DOCK10: variants seen among roughly 807,000 people sequenced by gnomAD.
DOCK10 encodes dedicator of cytokinesis protein 10.
DOCK10 carries 145 observed loss-of-function variants against 280.1 expected under a neutral mutation model. The ratio of observed to expected loss-of-function variants is 0.52; its 90% CI spans 0.45 to 0.59. The LOEUF is 0.59. DOCK10 is among the 20% of genes least tolerant of loss of function. The pLI, the probability that DOCK10 is intolerant of heterozygous loss-of-function variation, is 0.00. For synonymous variants in DOCK10, 915 were observed against 942.2 expected, an observed-to-expected ratio of 0.97 and a Z score of 0.53; for missense variants, 2,368 against 2,651.7, an observed-to-expected ratio of 0.89 and a Z score of 2.35.
Position 224,793,392 on chromosome 2 carries a change from C to A in DOCK10, c.5212+8G>T. 6.2e-7 allele frequency: 1 copy of A among 1,611,764 alleles called. No homozygotes were observed. The highest frequency in any genetic ancestry group is 1.1e-5 in the South Asian group (1 of 90,628). On this transcript the variant is annotated splice_region_variant and intron_variant, in intron 46 of 55. Coordinates refer to ENST00000258390, the MANE Select transcript of DOCK10 (RefSeq NM_014689.3). ...AGGCTTTTTGCCTCCCTCATGTGGT[C>A]ATCTTACCCTTTCTTTTCAGATACT...
intron 1 of DOCK10, among the ~76,000 whole-genome samples, chr2:225,031,423 T>C (rs1355764439): frequency 6.6e-6 from 1 of 152,212 alleles, no homozygotes; most frequent in Non-Finnish European, 1.5e-5. Flanking sequence ...TATACCTTGG[T>C]ATCAGTTGCT....
rs529409302 is a variant in DOCK10 at position 224,957,527 on chromosome 2, G to T, written c.124-25859C>A. ...TAGTCTAGAACTCCTGGTTTCAAGA[G>T]ATCCTCTCACCTCAGCTTCCTGGTA... On this transcript the variant is annotated intron_variant, in intron 1 of 55. Coordinates refer to ENST00000258390, the MANE Select transcript of DOCK10 (RefSeq NM_014689.3). Among the ~76,000 whole-genome samples the T allele has an allele frequency of 4.5e-4, 68 of 152,216 alleles. 1 individual carries two copies. In the South Asian group the frequency reaches 0.013, roughly 29 times the overall value.
Position 224,804,000 on chromosome 2 carries a change from ATGTGTGTGTGTGTG to A in DOCK10, c.4268+98_4268+111del, listed in dbSNP as rs71062961. 4.3e-5 allele frequency: 20 copies of A among 461,768 alleles called. No homozygotes were observed. The South Asian group carries it at 4.7e-4, about 11-fold the overall frequency. The allele number at this position is 461,768 out of a possible 1,614,324, so 28.6% of individuals were successfully genotyped here. ...TTGGTTTGAATATATAAATAGAAAT[ATGTGTGTGTGTGTG>A]TGTGTGTGTGTGTGTGTGTCTACCC... On this transcript the variant is annotated intron_variant, in intron 39 of 55. Coordinates refer to ENST00000258390, the MANE Select transcript of DOCK10 (RefSeq NM_014689.3).
At position 224,994,572 on chromosome 2, in the gene DOCK10, T is replaced by C. The variant is rs1706215858; in HGVS notation, c.123+47680A>G. On this transcript the variant is annotated intron_variant, in intron 1 of 55. Coordinates refer to ENST00000258390, the MANE Select transcript of DOCK10 (RefSeq NM_014689.3). Reference sequence around the variant, plus strand: ...TGTCACAACAAAGATTGCTTCTTTCTAGCAGCTTCTATCTTAGTATGGTCT... The same window carrying C: ...TGTCACAACAAAGATTGCTTCTTTCCAGCAGCTTCTATCTTAGTATGGTCT... Among the ~76,000 whole-genome samples the C allele has an allele frequency of 4.6e-5, 7 of 152,358 alleles. No individual in the cohort carries two copies. The South Asian group carries it at 1.4e-3, about 32-fold the overall frequency.
intron 11 of DOCK10, among the ~76,000 whole-genome samples, chr2:224,870,791 T>C (rs1235527735): frequency 6.6e-6 from 1 of 150,984 alleles, no homozygotes; most frequent in Admixed American, 6.6e-5. Flanking sequence ...CTTCCAAATT[T>C]GTATTTCCAT....
chr2:225,027,800 T>G (rs1322367052), intron 1 of DOCK10, among the ~76,000 whole-genome samples: 1 of 152,196 alleles, frequency 6.6e-6, no homozygotes, highest in Non-Finnish European at 1.5e-5. Flanking sequence ...CAGGTATTTC[T>G]TTATAGCAGT....
At chr2:224,945,991 G>A (rs983809885) in intron 1 of DOCK10, among the ~76,000 whole-genome samples, 1 of 152,086 alleles carries the variant, frequency 6.6e-6, no homozygotes, top group East Asian at 1.9e-4. Flanking sequence ...ACCCTGCTCC[G>A]AAAAAGGCAA....
intron 16 of DOCK10, among the ~76,000 whole-genome samples, chr2:224,853,779 T>A (rs893047799): frequency 6.6e-6 from 1 of 152,244 alleles, no homozygotes; most frequent in African/African-American, 2.4e-5. Flanking sequence ...GTTGTGGTAC[T>A]GAAAGACCAA....
At chr2:224,841,073 G>T (rs1176373528) in intron 23 of DOCK10, among the ~76,000 whole-genome samples, 1 of 152,140 alleles carries the variant, frequency 6.6e-6, no homozygotes, top group African/African-American at 2.4e-5. Flanking sequence ...ATTCATAGAA[G>T]TAGAGAGTGG....
At chr2:224,817,225 C>A (rs1386773550) in intron 29 of DOCK10, among the ~76,000 whole-genome samples, 3 of 152,172 alleles carry the variant, frequency 2.0e-5, no homozygotes, top group Non-Finnish European at 4.4e-5. Context: ...TTCCTCCCTG[C>A]CCTTGCAAAT....
At chr2:224,900,828 A>T (rs1400201800) in intron 3 of DOCK10, among the ~76,000 whole-genome samples, 2 of 152,236 alleles carry the variant, frequency 1.3e-5, no homozygotes, top group African/African-American at 4.8e-5. Context: ...TCACATTCAC[A>T]ACAGTTAATA....
intron 22 of DOCK10, among the ~76,000 whole-genome samples, chr2:224,844,442 A>G (rs542980540): frequency 6.6e-6 from 1 of 152,224 alleles, no homozygotes; most frequent in South Asian, 2.1e-4. Flanking sequence ...TATTTTTAAC[A>G]TTTAACATTT....
chr2:225,003,655 G>A (rs1353486273), intron 1 of DOCK10, among the ~76,000 whole-genome samples: 1 of 152,134 alleles, frequency 6.6e-6, no homozygotes, highest in Non-Finnish European at 1.5e-5. Flanking sequence ...TCTAATAGTA[G>A]TATTTGTTCA....
intron 2 of DOCK10, among the ~76,000 whole-genome samples, chr2:224,923,248 A>G (rs997872136): frequency 6.6e-6 from 1 of 152,226 alleles, no homozygotes; most frequent in Admixed American, 6.5e-5. Flanking sequence ...TTAAGCATGA[A>G]GACACAGTGT....
chr2:225,034,926 T>C (rs1236205893), intron 1 of DOCK10, among the ~76,000 whole-genome samples: 1 of 152,140 alleles, frequency 6.6e-6, no homozygotes, highest in Non-Finnish European at 1.5e-5. Context: ...ACTCTCACCC[T>C]CCACTTGGTA....
chr2:224,836,922 A>G (rs527410178), intron 25 of DOCK10, among the ~76,000 whole-genome samples: 23 of 151,972 alleles, frequency 1.5e-4, no homozygotes, highest in African/African-American at 5.3e-4. Flanking sequence ...ACAAGTTTCT[A>G]GACATCTTGA....
At position 224,795,065 on chromosome 2, in the gene DOCK10, G is replaced by C. The variant is rs947706971; in HGVS notation, c.4968C>G (p.Asp1656Glu). The part of the protein sequence containing the change: ...KNSNFPAEVK[D>E]LTKRIRTVLM... ...AAACAGTCCTTATACGCTTAGTCAG[G>C]TCCTTCACCTCTGCTGGGAAATTGC... Residue 1656 changes from aspartate to glutamate, a missense_variant, in exon 45 of 56, where the codon GAC becomes GAG. Asp to Glu is a conservative substitution (Grantham distance 45). Coordinates refer to ENST00000258390, the MANE Select transcript of DOCK10 (RefSeq NM_014689.3). 14 of 1,613,784 alleles carry C rather than the reference G, an allele frequency of 8.7e-6. No individual in the cohort carries two copies. Among genetic ancestry groups the C allele is most frequent in the Non-Finnish European group, 1.2e-5 (14 of 1,179,862 alleles).
intron 1 of DOCK10, among the ~76,000 whole-genome samples, chr2:225,000,311 C>A (rs1472554177): frequency 1.3e-5 from 2 of 152,102 alleles, no homozygotes; most frequent in Non-Finnish European, 2.9e-5. Flanking sequence ...TTATAATGAT[C>A]TATGTGGCCA....
intron 2 of DOCK10, among the ~76,000 whole-genome samples, chr2:224,928,696 T>G (rs1702167021): frequency 1.3e-5 from 2 of 152,254 alleles, no homozygotes; most frequent in African/African-American, 2.4e-5. Flanking sequence ...ATTTGGAGGA[T>G]GTGACATTTG....
Sources: allele counts gnomAD v4.1 joint callset (sites outside exome capture counted in the v4.1 genomes callset), GRCh38; gene constraint gnomAD v4.1.1; transcripts MANE v1.5; gene names NCBI Gene and HGNC (gene_info 2026-07-23, HGNC 2026-07-21).